ZMYM4: variants seen among roughly 807,000 people sequenced by gnomAD.
The protein encoded by ZMYM4 is zinc finger MYM-type protein 4.
In ZMYM4, 31 loss-of-function variants were observed where a neutral mutation model predicts 183.2. The observed-to-expected ratio is 0.17, with a 90% CI of 0.13 to 0.23. ZMYM4 has a LOEUF of 0.23. ZMYM4 is among the 10% of genes least tolerant of loss of function. The pLI is 1.00. For missense variants in ZMYM4, 1,273 were observed against 1,840.3 expected (o/e 0.69, Z 5.64); for synonymous variants, 592 against 631.2 (o/e 0.94, Z 0.93).
At chr1:35,417,596 C>T (rs1487621064) in intron 28 of ZMYM4, among the ~76,000 whole-genome samples, 9 of 152,082 alleles carry the variant, frequency 5.9e-5, no homozygotes, top group African/African-American at 1.9e-4. Context: ...CCAGCTACTC[C>T]AAAGGCTGTG....
At chr1:35,403,302 T>C (rs1280166111) in intron 23 of ZMYM4, among the ~76,000 whole-genome samples, 2 of 152,244 alleles carry the variant, frequency 1.3e-5, no homozygotes, top group African/African-American at 2.4e-5. Flanking sequence ...TTGTTCTGTT[T>C]TGAGACAGAG....
At chr1:35,418,191 G>A (rs1250179954) in intron 28 of ZMYM4, among the ~76,000 whole-genome samples, 1 of 152,122 alleles carries the variant, frequency 6.6e-6, no homozygotes, top group Non-Finnish European at 1.5e-5. Flanking sequence ...TTTTTGTCAT[G>A]GTGCCCCCAC....
rs1289918597 is a variant in ZMYM4, at chr1:35,361,757, G to A, written c.808G>A (p.Asp270Asn). The change falls in exon 5 of 30, where the codon GAC becomes AAC. Residue 270 changes from aspartate (D) to asparagine (N), a missense_variant. By Grantham distance (23) the Asp-to-Asn change is conservative. This residue lies in a region of ZMYM4 where 384 missense variants were observed against 465.6 expected (regional missense o/e 0.82). Transcript: ENST00000314607. ...KAMAPQQGLLDKIKDEPDNAQ... is the reference protein window; with the variant it reads ...KAMAPQQGLLNKIKDEPDNAQ... ...AATGGCACCACAGCAGGGACTACTAGACAAAATAAAAGATGAACCTGACAA... is the reference window on the plus strand; with the variant it reads ...AATGGCACCACAGCAGGGACTACTAAACAAAATAAAAGATGAACCTGACAA... The A allele has an allele frequency of 1.2e-6, 2 of 1,609,562 alleles. No individual in the cohort carries two copies. Among genetic ancestry groups the A allele is most frequent in the Non-Finnish European group, 1.7e-6 (2 of 1,178,784 alleles).
chr1:35,412,992 G>T (rs888589685), intron 26 of ZMYM4, among the ~76,000 whole-genome samples: 1 of 151,976 alleles, frequency 6.6e-6, no homozygotes, highest in South Asian at 2.1e-4. Flanking sequence ...CTTGGATTCC[G>T]TTACTACTCA....
intron 23 of ZMYM4, among the ~76,000 whole-genome samples, chr1:35,403,474 T>TG (rs1438170944): frequency 6.6e-6 from 1 of 151,956 alleles, no homozygotes; most frequent in Non-Finnish European, 1.5e-5. Flanking sequence ...TTAGTAGAGA[T>TG]GGGGTGTCAC....
intron 2 of ZMYM4, among the ~76,000 whole-genome samples, chr1:35,342,704 T>C (rs1270026904): frequency 6.6e-6 from 1 of 152,072 alleles, no homozygotes; most frequent in Admixed American, 6.6e-5. Context: ...AGGGTCTCAG[T>C]CAGTTGCCCA....
chr1:35,385,108 G>A (rs372541596), intron 9 of ZMYM4, among the ~76,000 whole-genome samples: 80 of 152,198 alleles, frequency 5.3e-4, no homozygotes, highest in African/African-American at 1.4e-3. Flanking sequence ...GCCTCCCGAT[G>A]TGCTGGGATT....
intron 1 of ZMYM4, among the ~76,000 whole-genome samples, chr1:35,306,933 A>G (rs190222642): frequency 7.2e-4 from 110 of 152,298 alleles, no homozygotes; most frequent in Non-Finnish European, 2.5e-4. Flanking sequence ...TAATATCTAC[A>G]TTTCCTGATA....
intron 1 of ZMYM4, among the ~76,000 whole-genome samples, chr1:35,314,474 G>C (rs539168614): frequency 1.3e-5 from 2 of 151,022 alleles, no homozygotes; most frequent in East Asian, 4.0e-4. Context: ...TAGTAGAGAC[G>C]GGGTTTCACC....
At chr1:35,381,822 A>T in intron 9 of ZMYM4, 64 bp downstream of exon 9, 2 of 1,565,636 alleles carry the variant, frequency 1.3e-6, no homozygotes, top group African/African-American at 1.4e-5. Context: ...TTTTAGTCAG[A>T]ATTATTTATG....
intron 28 of ZMYM4, among the ~76,000 whole-genome samples, chr1:35,417,776 G>A (rs551313357): frequency 2.0e-5 from 3 of 152,220 alleles, no homozygotes; most frequent in East Asian, 1.9e-4. Flanking sequence ...TTGGGAGGCC[G>A]AGGTGGGCTG....
In ZMYM4 at chr1:35,378,767, T is replaced by TG. The variant is rs1035839560; in HGVS notation, c.1182-2492_1182-2491insG. 3.2e-4 allele frequency among the ~76,000 whole-genome samples: 48 copies of TG among 152,218 alleles called. 1 individual carries two copies. Among genetic ancestry groups the TG allele is most frequent in the African/African-American group, 1.1e-3 (47 of 41,460 alleles). ...TCGTTTTTCAATAGAAGACTGTTTC[T>TG]TCTACATTGAGAATCTTATTTAGTG... On this transcript the variant is annotated intron_variant, in intron 7 of 29. Coordinates refer to ENST00000314607, the MANE Select transcript of ZMYM4 (RefSeq NM_005095.3).
chr1:35,274,448 T>C (rs1381718561), intron 1 of ZMYM4, among the ~76,000 whole-genome samples: 2 of 151,946 alleles, frequency 1.3e-5, no homozygotes, highest in African/African-American at 4.8e-5. Flanking sequence ...CTACAATAAA[T>C]TAAAAAAATT....
chr1:35,379,742 G>C (rs1033762379), intron 7 of ZMYM4, among the ~76,000 whole-genome samples: 7 of 152,208 alleles, frequency 4.6e-5, no homozygotes, highest in Non-Finnish European at 7.3e-5. Flanking sequence ...AGCACTTAGA[G>C]GCCATTGTGA....
At chr1:35,279,859 A>G (rs1301897704) in intron 1 of ZMYM4, among the ~76,000 whole-genome samples, 1 of 152,160 alleles carries the variant, frequency 6.6e-6, no homozygotes, top group Non-Finnish European at 1.5e-5. Context: ...CTTAACCAAA[A>G]TATTGATATG....
intron 1 of ZMYM4, among the ~76,000 whole-genome samples, chr1:35,276,406 A>C (rs574319636): frequency 6.6e-6 from 1 of 152,190 alleles, no homozygotes; most frequent in African/African-American, 2.4e-5. Flanking sequence ...TATTTCTAAC[A>C]GATAAGAATT....
At chr1:35,330,418 G>A (rs937029873) in intron 2 of ZMYM4, among the ~76,000 whole-genome samples, 4 of 152,096 alleles carry the variant, frequency 2.6e-5, no homozygotes, top group Non-Finnish European at 5.9e-5. Context: ...GGTGTTCTAG[G>A]ATGGCTGCTG....
chr1:35,329,162 A>G (rs775135945), intron 2 of ZMYM4, among the ~76,000 whole-genome samples: 8 of 152,256 alleles, frequency 5.3e-5, no homozygotes, highest in Non-Finnish European at 1.2e-4. Flanking sequence ...TAAACATGAA[A>G]AATCTGAATT....
intron 7 of ZMYM4, among the ~76,000 whole-genome samples, chr1:35,374,959 GTTCTC>G (rs758994848): frequency 2.6e-5 from 4 of 152,144 alleles, no homozygotes; most frequent in East Asian, 1.9e-4. Context: ...TTAAGATTAT[GTTCTC>G]TTCTCATGTT....
Sources: allele counts gnomAD v4.1 joint callset (sites outside exome capture counted in the v4.1 genomes callset), GRCh38; gene constraint gnomAD v4.1.1; regional missense constraint gnomAD v4.1.1; transcripts MANE v1.5; gene names NCBI Gene and HGNC (gene_info 2026-07-23, HGNC 2026-07-21).